The following CTNND2 variants were observed in gnomAD, a reference collection of about 807,000 sequenced individuals.
CTNND2 encodes the protein catenin delta 2.
CTNND2 carries 22 observed loss-of-function variants against 144.4 expected under a neutral mutation model. The ratio of observed to expected loss-of-function variants is 0.15; its 90% CI spans 0.11 to 0.22. CTNND2 has a LOEUF of 0.22. Ranked by LOEUF, CTNND2 falls within the 10% of genes least tolerant of loss-of-function variation. CTNND2 has a pLI of 1.00. For missense variants in CTNND2, 1,353 were observed against 1,618.8 expected, an observed-to-expected ratio of 0.84 and a Z score of 2.82; for synonymous variants, 751 against 695.6, an observed-to-expected ratio of 1.08 and a Z score of -1.25.
intron 9 of CTNND2, among the ~76,000 whole-genome samples, chr5:11,307,334 T>C (rs1750347295): frequency 6.7e-6 from 1 of 149,984 alleles, no homozygotes; most frequent in South Asian, 2.2e-4. Flanking sequence ...TGTGTGTGTG[T>C]GTGTGTGTGT....
intron 14 of CTNND2, among the ~76,000 whole-genome samples, chr5:11,106,103 C>T (rs1052569921): frequency 3.3e-5 from 5 of 152,164 alleles, no homozygotes; most frequent in African/African-American, 7.2e-5. Context: ...ATCAAGTCCA[C>T]GAACAGAAAC....
At chr5:11,511,672 T>C (rs1254565379) in intron 3 of CTNND2, among the ~76,000 whole-genome samples, 1 of 152,196 alleles carries the variant, frequency 6.6e-6, no homozygotes, top group Non-Finnish European at 1.5e-5. Flanking sequence ...TGTCAAGCTC[T>C]GAACTTGAGG....
intron 2 of CTNND2, among the ~76,000 whole-genome samples, chr5:11,712,420 A>C (rs934118341): frequency 1.3e-5 from 2 of 152,182 alleles, no homozygotes; most frequent in Non-Finnish European, 2.9e-5. Flanking sequence ...CAGTCCTTGC[A>C]TCTGTAATTA....
At chr5:11,881,424 A>G (rs1316841989) in intron 1 of CTNND2, among the ~76,000 whole-genome samples, 1 of 152,042 alleles carries the variant, frequency 6.6e-6, no homozygotes, top group Non-Finnish European at 1.5e-5. Context: ...ACTTCTCAGT[A>G]TCCCTCCCTC....
intron 18 of CTNND2, among the ~76,000 whole-genome samples, chr5:11,010,743 A>G (rs1740987186): frequency 6.6e-6 from 1 of 152,260 alleles, no homozygotes; most frequent in Admixed American, 6.5e-5. Flanking sequence ...CGCAAGAGCC[A>G]ATGAAATGAA....
chr5:11,541,870 C>T (rs1210190470), intron 3 of CTNND2, among the ~76,000 whole-genome samples: 1 of 133,092 alleles, frequency 7.5e-6, no homozygotes, highest in African/African-American at 2.8e-5. Context: ...CCTTTTCCAA[C>T]TTTTATTCCT....
intron 16 of CTNND2, among the ~76,000 whole-genome samples, chr5:11,057,911 A>T (rs1746508556): frequency 1.3e-5 from 2 of 152,192 alleles, no homozygotes; most frequent in South Asian, 2.1e-4. Flanking sequence ...TTTAAAAAAG[A>T]GACTGGCAGG....
At chr5:11,433,136 C>G (rs1763444281) in intron 3 of CTNND2, among the ~76,000 whole-genome samples, 1 of 151,658 alleles carries the variant, frequency 6.6e-6, no homozygotes, top group African/African-American at 2.4e-5. Flanking sequence ...GTCCCAGCTA[C>G]TTGGGAGGCT....
chr5:11,033,662 C>G (rs915160904), intron 16 of CTNND2, among the ~76,000 whole-genome samples: 1 of 152,064 alleles, frequency 6.6e-6, no homozygotes, highest in African/African-American at 2.4e-5. Flanking sequence ...AACCCTGTCT[C>G]TACTAAAAAT....
chr5:11,117,705 T>C (rs2149695079), intron 12 of CTNND2, 138 bp from the exon 13 acceptor site: 1 of 690,904 alleles, frequency 1.4e-6, no homozygotes, highest in Non-Finnish European at 2.5e-6. Context: ...GAATATATCT[T>C]TAATGAAAAG....
At chr5:11,595,025 C>G (rs1444452277) in intron 2 of CTNND2, among the ~76,000 whole-genome samples, 11 of 152,142 alleles carry the variant, frequency 7.2e-5, no homozygotes, top group Admixed American at 7.2e-4. Flanking sequence ...CAATTGACAG[C>G]CAAATTACTG....
intron 2 of CTNND2, among the ~76,000 whole-genome samples, chr5:11,614,423 A>G (rs1321746542): frequency 6.6e-6 from 1 of 152,234 alleles, no homozygotes; most frequent in East Asian, 1.9e-4. Context: ...GTGATGCAAA[A>G]AAATGTGAAT....
chr5:11,002,432 T>C, intron 18 of CTNND2, among the ~76,000 whole-genome samples: 1 of 152,100 alleles, frequency 6.6e-6, no homozygotes, highest in Non-Finnish European at 1.5e-5. Flanking sequence ...ACAGAAAGGA[T>C]GGAGAAGGAT....
intron 1 of CTNND2, among the ~76,000 whole-genome samples, chr5:11,767,866 T>G (rs979271573): frequency 5.3e-5 from 8 of 152,150 alleles, no homozygotes; most frequent in African/African-American, 1.9e-4. Context: ...TTGGATAATA[T>G]CTGTCAAATT....
chr5:11,760,499 C>T (rs1789196651), intron 1 of CTNND2, among the ~76,000 whole-genome samples: 1 of 152,112 alleles, frequency 6.6e-6, no homozygotes, highest in Admixed American at 6.6e-5. Context: ...TTTATGAATA[C>T]TTGTTGAAAT....
At chr5:11,897,295 G>A (rs1355604482) in intron 1 of CTNND2, among the ~76,000 whole-genome samples, 1 of 152,160 alleles carries the variant, frequency 6.6e-6, no homozygotes, top group Non-Finnish European at 1.5e-5. Flanking sequence ...ATGTGACAGA[G>A]GATAAAATTT....
At chr5:11,359,205 T>C (rs189064250) in intron 8 of CTNND2, among the ~76,000 whole-genome samples, 1 of 152,364 alleles carries the variant, frequency 6.6e-6, no homozygotes, top group East Asian at 1.9e-4. Context: ...GCTCTGGTTT[T>C]GACAAGCCTC....
intron 1 of CTNND2, among the ~76,000 whole-genome samples, chr5:11,793,842 A>G (rs781165891): frequency 2.2e-4 from 34 of 152,336 alleles, no homozygotes; most frequent in Non-Finnish European, 4.6e-4. Context: ...TACCTATGAA[A>G]TTACTTACAA....
At chr5:11,700,155 A>G (rs897562851) in intron 2 of CTNND2, among the ~76,000 whole-genome samples, 1 of 152,170 alleles carries the variant, frequency 6.6e-6, no homozygotes. Flanking sequence ...TGGGAGACCC[A>G]AGAGGGCAGA....
Sources: gnomAD v4.1 joint callset for allele counts (sites outside exome capture counted in the v4.1 genomes callset) on GRCh38, gnomAD v4.1.1 for gene constraint, MANE v1.5 for transcripts, NCBI Gene and HGNC (gene_info 2026-07-23, HGNC 2026-07-21) for gene names.